Variants in CDH18 observed in about 807,000 individuals in gnomAD.
The protein encoded by CDH18 is cadherin-18.
CDH18 carries 31 observed loss-of-function variants against 67.9 expected under a neutral mutation model. That is an observed-to-expected ratio of 0.46 (90% CI 0.34 to 0.62). The LOEUF (loss-of-function observed/expected upper bound fraction) is 0.62, where lower values mean the gene tolerates loss of function less well. CDH18 is among the 20% of genes least tolerant of loss of function. The pLI is 0.01. For synonymous variants in CDH18, 362 were observed against 347.2 expected (o/e 1.04, Z -0.48); for missense variants, 890 against 975.5 (o/e 0.91, Z 1.17).
intron 1 of CDH18, among the ~76,000 whole-genome samples, chr5:20,479,337 A>G (rs932925943): frequency 6.6e-6 from 1 of 152,180 alleles, no homozygotes; most frequent in Admixed American, 6.5e-5. Context: ...GGGATTCAAA[A>G]GTGCTGTTTT....
intron 9 of CDH18, among the ~76,000 whole-genome samples, chr5:19,525,490 T>C (rs1162326557): frequency 2.0e-5 from 3 of 152,226 alleles, no homozygotes; most frequent in Non-Finnish European, 4.4e-5. Context: ...ATGTGACTCA[T>C]GATACTGCCT....
chr5:19,688,540 A>T (rs935716692), intron 5 of CDH18, among the ~76,000 whole-genome samples: 5 of 152,186 alleles, frequency 3.3e-5, no homozygotes, highest in African/African-American at 9.7e-5. Flanking sequence ...TTTATAAAAA[A>T]GTCTTCCTCT....
intron 2 of CDH18, among the ~76,000 whole-genome samples, chr5:20,237,387 TA>T (rs1268980057): frequency 6.6e-6 from 1 of 151,878 alleles, no homozygotes; most frequent in Non-Finnish European, 1.5e-5. Flanking sequence ...AATAAAAAGT[TA>T]TTTTTTTCCA....
chr5:19,572,996 C>A (rs145901479), intron 7 of CDH18, among the ~76,000 whole-genome samples: 2 of 152,010 alleles, frequency 1.3e-5, no homozygotes. Flanking sequence ...CATTTCCAAA[C>A]CATATATTAA....
chr5:19,839,117 A>G lies in CDH18; in HGVS notation c.-131T>C, dbSNP rs774240176. On this transcript the variant is annotated 5_prime_UTR_variant, in exon 3 of 13. The change abolishes an upstream ATG in the 5' untranslated region. Coordinates refer to ENST00000382275, the MANE Select transcript of CDH18 (RefSeq NM_004934.5). ...CCAAAGTAAATTGTTTAGCGTGTCC[A>G]TGATTTAACTGTCCATCAGGGAAAG... The G allele has an allele frequency of 1.5e-6, 1 of 660,082 alleles. No homozygotes were observed. Among genetic ancestry groups the G allele is most frequent in the Non-Finnish European group, 2.7e-6 (1 of 374,594 alleles). The allele number at this position is 660,082 out of a possible 1,614,324, so 40.9% of individuals were successfully genotyped here.
At chr5:19,810,606 T>G (rs1045534744) in intron 3 of CDH18, among the ~76,000 whole-genome samples, 3 of 151,944 alleles carry the variant, frequency 2.0e-5, no homozygotes, top group African/African-American at 7.2e-5. Flanking sequence ...AGTAAATATA[T>G]TTGATTAAGT....
chr5:20,280,754 C>G (rs563793219), intron 1 of CDH18, among the ~76,000 whole-genome samples: 1 of 152,270 alleles, frequency 6.6e-6, no homozygotes, highest in African/African-American at 2.4e-5. Context: ...AATGGTATTT[C>G]TAGTTCTAGA....
chr5:19,801,380 T>C (rs1178737977), intron 3 of CDH18, among the ~76,000 whole-genome samples: 4 of 152,204 alleles, frequency 2.6e-5, no homozygotes, highest in Non-Finnish European at 5.9e-5. Context: ...TGTCACTTTA[T>C]TCAAGGTACC....
chr5:19,942,802 A>T (rs373198797), intron 2 of CDH18, among the ~76,000 whole-genome samples: 15 of 152,198 alleles, frequency 9.9e-5, no homozygotes, highest in African/African-American at 3.6e-4. Context: ...GGCAAACCTC[A>T]GGAGCATAGC....
At chr5:19,566,244 G>A (rs1480212011) in intron 8 of CDH18, among the ~76,000 whole-genome samples, 1 of 152,110 alleles carries the variant, frequency 6.6e-6, no homozygotes, top group Non-Finnish European at 1.5e-5. Flanking sequence ...CAAAGGATGT[G>A]GAGAAAAGGG....
Position 19,779,592 on chromosome 5 carries a change from A to T in CDH18, c.229-32356T>A, listed in dbSNP as rs924224354. On this transcript the variant is annotated intron_variant, in intron 3 of 12. Transcript: ENST00000382275. The stretch of plus-strand genomic sequence containing the variant: ...CCAGCCAAGAGGGAGAAAAAGAAAC[A>T]GGGACAAAGTGGAAGGAATTCAGAA... Among the ~76,000 whole-genome samples, 31 of 152,126 alleles carry T rather than the reference A, an allele frequency of 2.0e-4. 1 individual carries two copies. Among genetic ancestry groups the T allele is most frequent in the Non-Finnish European group, 1.3e-4 (9 of 68,000 alleles).
At chr5:20,407,963 T>G (rs1246048789) in intron 1 of CDH18, among the ~76,000 whole-genome samples, 1 of 151,874 alleles carries the variant, frequency 6.6e-6, no homozygotes, top group Non-Finnish European at 1.5e-5. Context: ...CTGTGGCACA[T>G]CAATTAAAGT....
chr5:19,872,143 G>T (rs546692504), intron 2 of CDH18, among the ~76,000 whole-genome samples: 1 of 152,082 alleles, frequency 6.6e-6, no homozygotes, highest in Non-Finnish European at 1.5e-5. Flanking sequence ...GAAGATAAAA[G>T]ACTATGTTAC....
intron 1 of CDH18, among the ~76,000 whole-genome samples, chr5:20,310,870 T>A (rs1736919066): frequency 6.6e-6 from 1 of 152,178 alleles, no homozygotes; most frequent in Non-Finnish European, 1.5e-5. Flanking sequence ...GTTTTTCTGG[T>A]CTCTCTGAAT....
intron 3 of CDH18, among the ~76,000 whole-genome samples, chr5:19,834,845 A>T (rs72740844): frequency 0.088 from 13,432 of 152,008 alleles, 658 homozygotes; most frequent in African/African-American, 0.13. Flanking sequence ...GTGAGTTTTT[A>T]AATTCTGAGT....
chr5:19,966,739 C>A (rs533855049), intron 2 of CDH18, among the ~76,000 whole-genome samples: 1 of 151,780 alleles, frequency 6.6e-6, no homozygotes. Flanking sequence ...GTTATATATG[C>A]GTGCTTATTC....
chr5:19,487,938 G>C (rs1052106827), intron 11 of CDH18, among the ~76,000 whole-genome samples: 2 of 152,070 alleles, frequency 1.3e-5, no homozygotes, highest in African/African-American at 4.8e-5. Context: ...ATGTTGTGGG[G>C]CTATTTCACA....
At chr5:19,970,732 A>T (rs569223537) in intron 2 of CDH18, among the ~76,000 whole-genome samples, 1 of 151,558 alleles carries the variant, frequency 6.6e-6, no homozygotes, top group South Asian at 2.1e-4. Flanking sequence ...AATTATTCAT[A>T]CATTTATTTA....
chr5:20,034,811 T>C (rs936785685), intron 2 of CDH18, among the ~76,000 whole-genome samples: 1 of 152,114 alleles, frequency 6.6e-6, no homozygotes, highest in Non-Finnish European at 1.5e-5. Context: ...TTTCCATAGA[T>C]AGATAGATAG....
Sources: gnomAD v4.1 joint callset for allele counts (sites outside exome capture counted in the v4.1 genomes callset) on GRCh38, gnomAD v4.1.1 for gene constraint, MANE v1.5 for transcripts, NCBI Gene and HGNC (gene_info 2026-07-23, HGNC 2026-07-21) for gene names.